The following TAFA1 variants were observed in gnomAD, a reference collection of about 807,000 sequenced individuals.
TAFA1 encodes the protein chemokine-like protein TAFA-1.
Under a neutral mutation model 18.5 loss-of-function variants are expected in TAFA1, and 4 were observed. The observed-to-expected ratio is 0.22, with a 90% confidence interval of 0.11 to 0.49. The LOEUF (loss-of-function observed/expected upper bound fraction) is 0.49. Among genes scored for constraint, TAFA1 ranks in the 20% least tolerant of loss-of-function variants. TAFA1 has a pLI of 0.98. For synonymous variants in TAFA1, 56 were observed against 55.2 expected (o/e 1.01, Z -0.06); for missense variants, 147 against 169.0 (o/e 0.87, Z 0.72).
chr3:68,260,220 G>T (rs9870871), intron 2 of TAFA1, among the ~76,000 whole-genome samples: 1 of 152,070 alleles, frequency 6.6e-6, no homozygotes, highest in African/African-American at 2.4e-5. Flanking sequence ...CTTTGGTTCT[G>T]TTTATATGCT....
At chr3:68,418,020 C>T (rs1393410216) in intron 3 of TAFA1, among the ~76,000 whole-genome samples, 1 of 152,238 alleles carries the variant, frequency 6.6e-6, no homozygotes, top group Middle Eastern at 3.4e-3. Context: ...CCTGTTCCAA[C>T]ACTGGGGGTT....
chr3:68,065,164 A>G (rs970702695), intron 2 of TAFA1, among the ~76,000 whole-genome samples: 1 of 152,216 alleles, frequency 6.6e-6, no homozygotes, highest in African/African-American at 2.4e-5. Flanking sequence ...CAACAGACAG[A>G]GAGCGACTAA....
At chr3:68,283,634 T>C (rs1303405871) in intron 2 of TAFA1, among the ~76,000 whole-genome samples, 1 of 151,824 alleles carries the variant, frequency 6.6e-6, no homozygotes, top group Non-Finnish European at 1.5e-5. Flanking sequence ...TTGTGAGGAC[T>C]TAATTAGATT....
chr3:68,531,003 T>A (rs2073180039), intron 3 of TAFA1, among the ~76,000 whole-genome samples: 1 of 132,164 alleles, frequency 7.6e-6, no homozygotes, highest in Non-Finnish European at 1.6e-5. Context: ...AGCATTATAA[T>A]GATTAACAAC....
intron 2 of TAFA1, among the ~76,000 whole-genome samples, chr3:68,205,221 G>A (rs2066512367): frequency 6.6e-6 from 1 of 151,828 alleles, no homozygotes. Context: ...AAGGGTTTGT[G>A]CTTTATGAGC....
At chr3:68,174,860 G>C (rs2066103979) in intron 2 of TAFA1, among the ~76,000 whole-genome samples, 1 of 152,230 alleles carries the variant, frequency 6.6e-6, no homozygotes, top group Non-Finnish European at 1.5e-5. Context: ...GGGTATGTCA[G>C]AGGTCTTCAT....
chr3:68,169,062 T>C (rs184040960), intron 2 of TAFA1, among the ~76,000 whole-genome samples: 1 of 152,352 alleles, frequency 6.6e-6, no homozygotes, highest in Non-Finnish European at 1.5e-5. Flanking sequence ...ATAGATACTG[T>C]AGTAGTTAGC....
intron 2 of TAFA1, 89 bp from the exon 3 acceptor site, chr3:68,417,191 T>G: frequency 9.5e-7 from 1 of 1,054,806 alleles, no homozygotes. Context: ...TTCAATTACT[T>G]TCCTCAACCC....
chr3:68,413,497 G>A (rs531041462), intron 2 of TAFA1, among the ~76,000 whole-genome samples: 23 of 152,108 alleles, frequency 1.5e-4, no homozygotes, highest in Non-Finnish European at 3.1e-4. Flanking sequence ...ATTGCTTGCT[G>A]TAAGTCTGTA....
At chr3:68,022,482 G>A (rs1349266695) in intron 2 of TAFA1, among the ~76,000 whole-genome samples, 2 of 152,038 alleles carry the variant, frequency 1.3e-5, no homozygotes, top group Non-Finnish European at 2.9e-5. Context: ...GGGGCTGTTG[G>A]TGGGGGGAAG....
At chr3:68,448,458 C>A (rs972036193) in intron 3 of TAFA1, among the ~76,000 whole-genome samples, 1 of 152,126 alleles carries the variant, frequency 6.6e-6, no homozygotes, top group Non-Finnish European at 1.5e-5. Context: ...TCTATTAATA[C>A]GACGACTGTA....
intron 2 of TAFA1, among the ~76,000 whole-genome samples, chr3:68,250,531 TTC>T (rs769833379): frequency 1.3e-5 from 2 of 152,068 alleles, no homozygotes; most frequent in African/African-American, 2.4e-5. Context: ...CTATCCAGGC[TTC>T]CTAGGAATAA....
intron 2 of TAFA1, among the ~76,000 whole-genome samples, chr3:68,185,291 G>C (rs1214726320): frequency 6.6e-6 from 1 of 152,028 alleles, no homozygotes; most frequent in Non-Finnish European, 1.5e-5. Flanking sequence ...ATCACATTTG[G>C]GGAGCCAACA....
chr3:68,500,418 C>G (rs1289704031), intron 3 of TAFA1, among the ~76,000 whole-genome samples: 1 of 152,012 alleles, frequency 6.6e-6, no homozygotes, highest in Non-Finnish European at 1.5e-5. Flanking sequence ...AATTCCCTGC[C>G]CAATTGTTAT....
intron 2 of TAFA1, among the ~76,000 whole-genome samples, chr3:68,381,157 G>T (rs1354157144): frequency 2.1e-5 from 3 of 140,860 alleles, no homozygotes; most frequent in Non-Finnish European, 4.6e-5. Flanking sequence ...GTACCATGCT[G>T]TTTTGGTTAC....
intron 2 of TAFA1, among the ~76,000 whole-genome samples, chr3:68,147,092 G>A (rs1342167580): frequency 6.6e-6 from 1 of 150,858 alleles, no homozygotes; most frequent in African/African-American, 2.4e-5. Context: ...ATCTTAAAAA[G>A]AAACAAAAAC....
intron 2 of TAFA1, among the ~76,000 whole-genome samples, chr3:68,296,444 T>C (rs1466680): frequency 1.1e-3 from 173 of 152,280 alleles, no homozygotes; most frequent in African/African-American, 4.0e-3. Context: ...TGGAATATGA[T>C]ACAAATTCAT....
At chr3:68,423,335 T>C (rs1354476477) in intron 3 of TAFA1, among the ~76,000 whole-genome samples, 1 of 152,096 alleles carries the variant, frequency 6.6e-6, no homozygotes, top group Non-Finnish European at 1.5e-5. Context: ...AAACTGAGGA[T>C]CAGCGAAATT....
chr3:68,297,008 G>A (rs1360926488), intron 2 of TAFA1, among the ~76,000 whole-genome samples: 1 of 152,126 alleles, frequency 6.6e-6, no homozygotes, highest in African/African-American at 2.4e-5. Context: ...TAGGAGAGAA[G>A]AAGGGTGGAT....
Sources: allele counts gnomAD v4.1 joint callset (sites outside exome capture counted in the v4.1 genomes callset), GRCh38; gene constraint gnomAD v4.1.1; transcripts MANE v1.5; gene names NCBI Gene and HGNC (gene_info 2026-07-23, HGNC 2026-07-21).